Variants in AFF2 observed in about 807,000 individuals in gnomAD.
The protein encoded by AFF2 is AF4/FMR2 family member 2.
A neutral mutation model predicts 76.9 loss-of-function variants in AFF2; 14 were observed. That is an observed-to-expected ratio of 0.18 (90% CI 0.12 to 0.28). AFF2 has a LOEUF of 0.28. AFF2 is among the 10% of genes least tolerant of loss of function. AFF2 has a pLI of 1.00. For synonymous variants in AFF2, 398 were observed against 366.7 expected (o/e 1.09, Z -0.98); for missense variants, 868 against 1,001.1 (o/e 0.87, Z 1.79).
At chrX:148,724,987 G>A (rs188606946) in intron 3 of AFF2, among the ~76,000 whole-genome samples, 58 of 110,547 alleles carry the variant, frequency 5.2e-4, no homozygotes, top group African/African-American at 1.9e-3. Context: ...CTAGGCACAC[G>A]GGTAGTTTTT....
In AFF2 at chrX:148,855,463, C is replaced by T. The variant is rs782191041; in HGVS notation, c.1262+12030C>T. ...TCCCCTATTTCTTCAGCAGCCGGTACAGGAAGAACCTACTACACAACAGAT... is the reference window on the plus strand; with the variant it reads ...TCCCCTATTTCTTCAGCAGCCGGTATAGGAAGAACCTACTACACAACAGAT... On this transcript the variant is annotated intron_variant, in intron 7 of 20. Transcript: ENST00000370460. Among the ~76,000 whole-genome samples the T allele has an allele frequency of 2.7e-5, 3 of 111,664 alleles. No homozygotes were observed. In the East Asian group the frequency reaches 8.5e-4, roughly 32 times the overall value.
intron 9 of AFF2, among the ~76,000 whole-genome samples, chrX:148,948,630 AG>A (rs1197868300): frequency 9.0e-6 from 1 of 111,281 alleles, no homozygotes; most frequent in African/African-American, 3.3e-5. Context: ...GTCATGCTGG[AG>A]GGGGCTATGT....
At chrX:148,826,663 C>T (rs2070392170) in intron 4 of AFF2, among the ~76,000 whole-genome samples, 1 of 111,807 alleles carries the variant, frequency 8.9e-6, no homozygotes, top group Non-Finnish European at 1.9e-5. Flanking sequence ...AGTCAAATAT[C>T]CTTTTAGAAA....
At chrX:148,702,644 A>G (rs1249145669) in intron 3 of AFF2, among the ~76,000 whole-genome samples, 4 of 111,798 alleles carry the variant, frequency 3.6e-5, no homozygotes, top group Admixed American at 2.9e-4. Context: ...ATTTCTGAAC[A>G]GGGGATTCCT....
chrX:148,516,826 A>C (rs1017823506), intron 1 of AFF2, among the ~76,000 whole-genome samples: 2 of 111,714 alleles, frequency 1.8e-5, no homozygotes, highest in Admixed American at 1.9e-4. Context: ...TGAACAAGCT[A>C]CTACTTGGAA....
chrX:148,701,068 C>A (rs1253001753), intron 3 of AFF2, among the ~76,000 whole-genome samples: 1 of 102,509 alleles, frequency 9.8e-6, no homozygotes, highest in Non-Finnish European at 2.0e-5. Context: ...TGCCCATGTG[C>A]ACATGTGCCC....
rs2054953373 is a variant in AFF2, at chrX:148,710,481, T to C, written c.1041+47713T>C. Among the ~76,000 whole-genome samples the C allele has an allele frequency of 2.7e-5, 3 of 112,019 alleles. No individual in the cohort carries two copies. The Admixed American group carries it at 2.9e-4, about 11-fold the overall frequency. On this transcript the variant is annotated intron_variant, in intron 3 of 20. Coordinates refer to ENST00000370460, the MANE Select transcript of AFF2 (RefSeq NM_002025.4). ...TTATAAATAACATAGCATTACATATTTATTCTTGTGGCAAAACATATATGA... is the reference window on the plus strand; with the variant it reads ...TTATAAATAACATAGCATTACATATCTATTCTTGTGGCAAAACATATATGA...
At chrX:148,932,187 A>G (rs1557284486) in intron 9 of AFF2, among the ~76,000 whole-genome samples, 1 of 112,162 alleles carries the variant, frequency 8.9e-6, no homozygotes, top group Non-Finnish European at 1.9e-5. Context: ...TGTGAGGATG[A>G]ATCATGGAAC....
chrX:148,888,985 A>G (rs1345919520), intron 8 of AFF2, among the ~76,000 whole-genome samples: 1 of 111,808 alleles, frequency 8.9e-6, no homozygotes, highest in African/African-American at 3.3e-5. Context: ...ACATAGTCCA[A>G]TAAAAAAGCC....
At chrX:148,716,961 G>A (rs983906531) in intron 3 of AFF2, among the ~76,000 whole-genome samples, 1 of 111,961 alleles carries the variant, frequency 8.9e-6, no homozygotes, top group Non-Finnish European at 1.9e-5. Context: ...GTATGTTCAA[G>A]CATGCTAAGT....
At chrX:148,934,480 AC>A (rs1956363286) in intron 9 of AFF2, among the ~76,000 whole-genome samples, 1 of 112,399 alleles carries the variant, frequency 8.9e-6, no homozygotes, top group African/African-American at 3.2e-5. Flanking sequence ...AAGGCCATTT[AC>A]CCCTTAAACC....
intron 12 of AFF2, among the ~76,000 whole-genome samples, chrX:148,961,232 C>G (rs782419874): frequency 8.9e-6 from 1 of 112,013 alleles, no homozygotes; most frequent in Non-Finnish European, 1.9e-5. Context: ...CCATTCACCT[C>G]CTGTAGATGC....
chrX:148,811,948 T>C (rs2070207764), intron 4 of AFF2, among the ~76,000 whole-genome samples: 1 of 111,441 alleles, frequency 9.0e-6, no homozygotes, highest in Admixed American at 9.5e-5. Flanking sequence ...GAGAAATGTC[T>C]CTTTTTTTTG....
At chrX:148,664,598 G>A (rs1052736997) in intron 3 of AFF2, among the ~76,000 whole-genome samples, 2 of 111,975 alleles carry the variant, frequency 1.8e-5, no homozygotes, top group African/African-American at 6.5e-5. Context: ...GTATTGTAGT[G>A]ATTTAGTTAT....
At chrX:148,773,151 T>TA (rs1193228888) in intron 3 of AFF2, among the ~76,000 whole-genome samples, 10 of 111,631 alleles carry the variant, frequency 9.0e-5, no homozygotes, top group African/African-American at 2.9e-4. Context: ...CTTGAATATA[T>TA]AAAAAATACT....
intron 10 of AFF2, among the ~76,000 whole-genome samples, chrX:148,954,488 C>A (rs1264263927): frequency 8.9e-6 from 1 of 111,770 alleles, no homozygotes; most frequent in Non-Finnish European, 1.9e-5. Flanking sequence ...ATAGAAATAC[C>A]TGTTGAACAT....
At position 148,791,817 on chromosome X, in the gene AFF2, T is replaced by C. The variant is rs73638189; in HGVS notation, c.1042-18059T>C. 6.9e-3 allele frequency among the ~76,000 whole-genome samples: 765 copies of C among 111,595 alleles called. 5 individuals are homozygous for C. The highest frequency in any genetic ancestry group is 0.024 in the African/African-American group (738 of 30,700). ...AATAATAATCTTATCTTGCTTATGT[T>C]ACTGAGCCGGGTGTATATAACTTTA... On this transcript the variant is annotated intron_variant, in intron 3 of 20. Transcript: ENST00000370460.
At chrX:148,607,091 A>T (rs2053679592) in intron 1 of AFF2, among the ~76,000 whole-genome samples, 1 of 111,443 alleles carries the variant, frequency 9.0e-6, no homozygotes, top group Admixed American at 9.5e-5. Context: ...CTATAGGCTG[A>T]GTACTTCAAG....
At chrX:148,698,266 C>T (rs1557261504) in intron 3 of AFF2, among the ~76,000 whole-genome samples, 1 of 112,506 alleles carries the variant, frequency 8.9e-6, no homozygotes, top group Admixed American at 9.4e-5. Flanking sequence ...TGGCTTTAGG[C>T]ATCACAAAAG....
Sources: gnomAD v4.1 joint callset for allele counts (sites outside exome capture counted in the v4.1 genomes callset) on GRCh38, gnomAD v4.1.1 for gene constraint, MANE v1.5 for transcripts, NCBI Gene and HGNC (gene_info 2026-07-23, HGNC 2026-07-21) for gene names.